The following PTPRT variants were observed in gnomAD, a reference collection of about 807,000 sequenced individuals.
PTPRT encodes protein tyrosine phosphatase receptor type T.
A neutral mutation model predicts 176.8 loss-of-function variants in PTPRT; 56 were observed. The observed-to-expected ratio is 0.32, with a 90% CI of 0.26 to 0.40. The LOEUF is 0.40. PTPRT is among the 10% of genes least tolerant of loss of function. PTPRT has a pLI of 1.00. For missense variants in PTPRT, 1,540 were observed against 1,908.2 expected (o/e 0.81, Z 3.60); for synonymous variants, 783 against 739.0 (o/e 1.06, Z -0.96).
At chr20:42,552,537 AT>A (rs1568971901) in intron 7 of PTPRT, among the ~76,000 whole-genome samples, 1 of 152,052 alleles carries the variant, frequency 6.6e-6, no homozygotes. Context: ...TGAATATAAA[AT>A]TTTTTGCACG....
intron 14 of PTPRT, among the ~76,000 whole-genome samples, chr20:42,242,734 T>G (rs2056378099): frequency 6.6e-6 from 1 of 152,106 alleles, no homozygotes; most frequent in South Asian, 2.1e-4. Context: ...ACTAAGAAAC[T>G]TGTTTCCATA....
intron 1 of PTPRT, among the ~76,000 whole-genome samples, chr20:42,959,087 A>G (rs553843): frequency 0.11 from 16,351 of 152,048 alleles, 1,962 homozygotes; most frequent in African/African-American, 0.3. Flanking sequence ...ACCTAATTAG[A>G]TTGGCCTAAT....
intron 9 of PTPRT, among the ~76,000 whole-genome samples, chr20:42,395,758 TG>T (rs2058842632): frequency 6.6e-6 from 1 of 152,190 alleles, no homozygotes; most frequent in Admixed American, 6.5e-5. Flanking sequence ...TTTGACACAG[TG>T]GATCACCTTC....
rs1462571744 is a variant in PTPRT, at chr20:42,128,836, G to T, written c.2771-6C>A. ...CCTCACCCGGGAATGGTCGTCTGCA[G>T]AGAGAGCAGAAATCAAGGGGATGGT... On this transcript the variant is annotated splice_polypyrimidine_tract_variant and splice_region_variant and intron_variant, in intron 18 of 30. Coordinates refer to ENST00000373187, the MANE Select transcript of PTPRT (RefSeq NM_007050.6). 3 of 1,601,554 alleles carry T rather than the reference G, an allele frequency of 1.9e-6. No individual in the cohort carries two copies. The highest frequency in any genetic ancestry group is 2.6e-6 in the Non-Finnish European group (3 of 1,173,534).
intron 9 of PTPRT, among the ~76,000 whole-genome samples, chr20:42,447,226 T>A (rs2070749560): frequency 6.6e-6 from 1 of 152,160 alleles, no homozygotes; most frequent in South Asian, 2.1e-4. Flanking sequence ...CTGTGGTACA[T>A]GTTTCAGTCT....
At chr20:42,694,174 G>T (rs1163534407) in intron 6 of PTPRT, among the ~76,000 whole-genome samples, 1 of 151,880 alleles carries the variant, frequency 6.6e-6, no homozygotes, top group Admixed American at 6.6e-5. Context: ...AAGTAGCTGG[G>T]ACTACAGGCA....
intron 1 of PTPRT, among the ~76,000 whole-genome samples, chr20:43,133,603 C>T (rs920594741): frequency 2.6e-5 from 4 of 152,022 alleles, no homozygotes; most frequent in African/African-American, 7.3e-5. Context: ...AAACATTAGC[C>T]GGGCATGGTG....
rs114627213 is a variant in PTPRT, at chr20:42,406,702, A to G, written c.1560+41518T>C. On this transcript the variant is annotated intron_variant, in intron 9 of 30. Transcript: ENST00000373187. The stretch of plus-strand genomic sequence containing the variant: ...ATACAAATAATGCAAAAATAAAACT[A>G]GAGATAAATTTTACCTATAAATACA... Among the ~76,000 whole-genome samples, 609 of 152,340 alleles carry G rather than the reference A, an allele frequency of 4.0e-3. 4 individuals carry two copies. The highest frequency in any genetic ancestry group is 0.014 in the African/African-American group (594 of 41,586).
At chr20:42,868,826 A>G (rs2145817114) in intron 2 of PTPRT, among the ~76,000 whole-genome samples, 1 of 152,300 alleles carries the variant, frequency 6.6e-6, no homozygotes, top group East Asian at 1.9e-4. Context: ...ACTGTATGAA[A>G]AAAGGGATCT....
intron 8 of PTPRT, among the ~76,000 whole-genome samples, chr20:42,471,246 G>A (rs1601086131): frequency 6.6e-6 from 1 of 152,056 alleles, no homozygotes; most frequent in South Asian, 2.1e-4. Context: ...CTTTCTGGAG[G>A]CATCAGTGCA....
intron 11 of PTPRT, among the ~76,000 whole-genome samples, chr20:42,327,066 A>G (rs2057893720): frequency 6.7e-6 from 1 of 149,346 alleles, no homozygotes; most frequent in South Asian, 2.1e-4. Context: ...TTAAATAAAA[A>G]TGGACTAGGT....
intron 1 of PTPRT, among the ~76,000 whole-genome samples, chr20:42,953,007 T>C (rs1443586413): frequency 6.6e-6 from 1 of 152,232 alleles, no homozygotes; most frequent in Non-Finnish European, 1.5e-5. Flanking sequence ...ACCTCCACTT[T>C]CATGCCCTTC....
intron 16 of PTPRT, among the ~76,000 whole-genome samples, chr20:42,188,585 A>G (rs1175632206): frequency 1.3e-5 from 2 of 152,126 alleles, no homozygotes; most frequent in East Asian, 3.9e-4. Context: ...ATTATTATCT[A>G]TGTTTTCAAC....
chr20:42,316,147 C>T, intron 11 of PTPRT, 151 bp from the exon 12 acceptor site: 1 of 894,804 alleles, frequency 1.1e-6, no homozygotes, highest in Non-Finnish European at 1.7e-6. Context: ...ATTTTCAAAC[C>T]TACCACGTTG....
intron 9 of PTPRT, among the ~76,000 whole-genome samples, chr20:42,410,072 A>C (rs2058998867): frequency 6.6e-6 from 1 of 152,190 alleles, no homozygotes; most frequent in Non-Finnish European, 1.5e-5. Context: ...ATGATGTTTC[A>C]TGCAAAAACT....
At position 43,011,408 on chromosome 20, in the gene PTPRT, G is replaced by T. The variant is rs559806671; in HGVS notation, c.89-125476C>A. Reference sequence around the variant, plus strand: ...TTCAATAAATACTCCAAAAGAAGATGATCCCCCAAACAGGAGTCTTTCCTG... The same window carrying T: ...TTCAATAAATACTCCAAAAGAAGATTATCCCCCAAACAGGAGTCTTTCCTG... On this transcript the variant is annotated intron_variant, in intron 1 of 30. Transcript: ENST00000373187. Among the ~76,000 whole-genome samples the T allele has an allele frequency of 3.3e-5, 5 of 152,266 alleles. No homozygotes were observed. In the South Asian group the frequency reaches 1.0e-3, roughly 32 times the overall value.
At chr20:42,464,475 T>A (rs2071072267) in intron 8 of PTPRT, among the ~76,000 whole-genome samples, 1 of 152,192 alleles carries the variant, frequency 6.6e-6, no homozygotes, top group South Asian at 2.1e-4. Flanking sequence ...GATTTTGAAT[T>A]CTATTTACTC....
chr20:42,812,528 C>G (rs533031100), intron 2 of PTPRT, among the ~76,000 whole-genome samples: 14 of 152,216 alleles, frequency 9.2e-5, no homozygotes, highest in African/African-American at 3.4e-4. Context: ...TATGGAGCAA[C>G]TGGAATCCTT....
chr20:42,754,382 C>T (rs1387273779), intron 6 of PTPRT, among the ~76,000 whole-genome samples: 1 of 151,952 alleles, frequency 6.6e-6, no homozygotes, highest in African/African-American at 2.4e-5. Flanking sequence ...GACGGGGTTT[C>T]ACCATGTTGG....
Sources: gnomAD v4.1 joint callset for allele counts (sites outside exome capture counted in the v4.1 genomes callset) on GRCh38, gnomAD v4.1.1 for gene constraint, MANE v1.5 for transcripts, NCBI Gene and HGNC (gene_info 2026-07-23, HGNC 2026-07-21) for gene names.